Variants in APBA1 observed in about 807,000 individuals in gnomAD.
APBA1 encodes amyloid-beta A4 precursor protein-binding family A member 1.
A neutral mutation model predicts 86.6 loss-of-function variants in APBA1; 55 were observed. The ratio of observed to expected loss-of-function variants is 0.64; its 90% CI spans 0.51 to 0.80. The LOEUF (loss-of-function observed/expected upper bound fraction) is 0.80, where lower values mean the gene tolerates loss of function less well. APBA1 is among the 30% of genes least tolerant of loss of function. APBA1 has a pLI of 0.00. For synonymous variants in APBA1, 511 were observed against 493.9 expected (o/e 1.03, Z -0.46); for missense variants, 1,090 against 1,183.0 (o/e 0.92, Z 1.15).
chr9:69,440,156 A>G (rs1374394315), intron 11 of APBA1, among the ~76,000 whole-genome samples: 1 of 152,174 alleles, frequency 6.6e-6, no homozygotes, highest in African/African-American at 2.4e-5. Context: ...TTTGTCTCAG[A>G]GGAGTACCCG....
At chr9:69,651,250 C>T (rs2061650429) in intron 1 of APBA1, among the ~76,000 whole-genome samples, 1 of 152,054 alleles carries the variant, frequency 6.6e-6, no homozygotes, top group African/African-American at 2.4e-5. Flanking sequence ...TCGTGGTTAC[C>T]TCTGGGGAGC....
At chr9:69,510,246 T>TA (rs1236795162) in intron 2 of APBA1, among the ~76,000 whole-genome samples, 1 of 151,540 alleles carries the variant, frequency 6.6e-6, no homozygotes, top group Non-Finnish European at 1.5e-5. Context: ...AATCAATGTA[T>TA]AAAAATCACA....
intron 1 of APBA1, among the ~76,000 whole-genome samples, chr9:69,555,027 AAAC>A (rs1836841112): frequency 1.3e-5 from 2 of 152,200 alleles, no homozygotes; most frequent in African/African-American, 4.8e-5. Flanking sequence ...TGTTCTAAGA[AAAC>A]GACATTCCCA....
chr9:69,535,663 TTCTTA>T (rs1256629465), intron 1 of APBA1, among the ~76,000 whole-genome samples: 3 of 152,164 alleles, frequency 2.0e-5, no homozygotes, highest in African/African-American at 4.8e-5. Context: ...TCCTCTACTT[TTCTTA>T]TCTTTTCTCT....
intron 1 of APBA1, among the ~76,000 whole-genome samples, chr9:69,595,377 C>T (rs1822207574): frequency 1.3e-5 from 2 of 152,158 alleles, no homozygotes; most frequent in African/African-American, 4.8e-5. Context: ...CCAATGTGTG[C>T]CTTCCTGCTT....
intron 1 of APBA1, among the ~76,000 whole-genome samples, chr9:69,534,673 C>T (rs529645869): frequency 6.6e-6 from 1 of 152,280 alleles, no homozygotes; most frequent in South Asian, 2.1e-4. Context: ...TGAAAATGAG[C>T]CTAACTCTCA....
At chr9:69,570,053 C>T (rs1186184152) in intron 1 of APBA1, among the ~76,000 whole-genome samples, 1 of 152,192 alleles carries the variant, frequency 6.6e-6, no homozygotes, top group Non-Finnish European at 1.5e-5. Flanking sequence ...AGGCACTTAA[C>T]TCATTGCTTC....
At chr9:69,543,163 C>G (rs1033881879) in intron 1 of APBA1, among the ~76,000 whole-genome samples, 2 of 152,180 alleles carry the variant, frequency 1.3e-5, no homozygotes, top group Non-Finnish European at 2.9e-5. Flanking sequence ...GACTGGCAGG[C>G]CTGGGAGGGG....
At chr9:69,670,771 A>G (rs1402039928) in intron 1 of APBA1, among the ~76,000 whole-genome samples, 2 of 152,052 alleles carry the variant, frequency 1.3e-5, no homozygotes, top group Non-Finnish European at 2.9e-5. Flanking sequence ...CAAATTCCCT[A>G]CTAGTGGGCT....
chr9:69,598,909 A>AT (rs1459046952), intron 1 of APBA1, among the ~76,000 whole-genome samples: 4 of 152,166 alleles, frequency 2.6e-5, no homozygotes, highest in African/African-American at 4.8e-5. Context: ...TTGTTAGGGT[A>AT]TTTTTACTGC....
intron 1 of APBA1, among the ~76,000 whole-genome samples, chr9:69,642,510 C>A (rs1823307344): frequency 2.0e-5 from 3 of 151,964 alleles, no homozygotes; most frequent in Admixed American, 6.6e-5. Context: ...GGTGGGAAAT[C>A]AAAATGGAAG....
chr9:69,597,786 T>G (rs1200266060), intron 1 of APBA1, among the ~76,000 whole-genome samples: 2 of 152,252 alleles, frequency 1.3e-5, no homozygotes, highest in African/African-American at 2.4e-5. Context: ...TCCGCATTGC[T>G]TGTTTTTCTC....
In APBA1 at chr9:69,427,589, A is replaced by G. The variant is rs896886578; in HGVS notation, c.*3738T>C. On this transcript the variant is annotated 3_prime_UTR_variant, in exon 13 of 13. Coordinates refer to ENST00000265381, the MANE Select transcript of APBA1 (RefSeq NM_001163.4). Reference sequence around the variant, plus strand: ...AACTCTTATACAGACATTAGCGTTCAGTTAAATAAAGGAAGATAGATAGCA... The same window carrying G: ...AACTCTTATACAGACATTAGCGTTCGGTTAAATAAAGGAAGATAGATAGCA... 1 of 149,894 alleles carries G rather than the reference A, an allele frequency of 6.7e-6. No individual in the cohort carries two copies. Among genetic ancestry groups the G allele is most frequent in the Non-Finnish European group, 1.5e-5 (1 of 67,326 alleles). 9.3% of individuals were successfully genotyped at this position (149,894 alleles called of 1,614,324 possible).
chr9:69,652,204 A>C (rs1588413038), intron 1 of APBA1, among the ~76,000 whole-genome samples: 1 of 152,358 alleles, frequency 6.6e-6, no homozygotes, highest in African/African-American at 2.4e-5. Context: ...CACCCAGTCT[A>C]TGGTATTTGT....
intron 1 of APBA1, among the ~76,000 whole-genome samples, chr9:69,518,467 C>G (rs1189947340): frequency 1.3e-5 from 2 of 152,056 alleles, no homozygotes; most frequent in African/African-American, 2.4e-5. Flanking sequence ...GGGTAGGTCT[C>G]TTTCTATTTT....
chr9:69,671,491 CTG>C (rs1367045313), intron 1 of APBA1, among the ~76,000 whole-genome samples: 2 of 152,180 alleles, frequency 1.3e-5, no homozygotes, highest in African/African-American at 4.8e-5. Context: ...AGAACAGACA[CTG>C]TGCTCAGAGT....
At chr9:69,607,758 T>C (rs990098436) in intron 1 of APBA1, among the ~76,000 whole-genome samples, 2 of 152,218 alleles carry the variant, frequency 1.3e-5, no homozygotes, top group East Asian at 1.9e-4. Context: ...CTAACTAGTG[T>C]TTAGATCCAG....
intron 11 of APBA1, among the ~76,000 whole-genome samples, chr9:69,433,900 C>T (rs759413491): frequency 6.6e-6 from 1 of 151,008 alleles, no homozygotes; most frequent in Non-Finnish European, 1.5e-5. Context: ...CAACCTTTGC[C>T]TCCCGGGTTC....
rs534150258 is a variant in APBA1 at position 69,663,476 on chromosome 9, G to T, written c.-70+8677C>A. Among the ~76,000 whole-genome samples the T allele has an allele frequency of 2.0e-5, 3 of 152,240 alleles. No individual in the cohort carries two copies. In the South Asian group the frequency reaches 6.2e-4, roughly 32 times the overall value. ...AATTTCCTTAAATGACTCTAAGCTC[G>T]TCCTCTGCTTTTAAAATATGCTACA... On this transcript the variant is annotated intron_variant, in intron 1 of 12. Transcript: ENST00000265381.
Sources: allele counts gnomAD v4.1 joint callset (sites outside exome capture counted in the v4.1 genomes callset), GRCh38; gene constraint gnomAD v4.1.1; transcripts MANE v1.5; gene names NCBI Gene and HGNC (gene_info 2026-07-23, HGNC 2026-07-21).